The following PTPRM variants were observed in gnomAD, a reference collection of about 807,000 sequenced individuals.
The protein encoded by PTPRM is receptor-type tyrosine-protein phosphatase mu.
In PTPRM, 47 loss-of-function variants were observed where a neutral mutation model predicts 186.7. The ratio of observed to expected loss-of-function variants is 0.25; its 90% confidence interval spans 0.20 to 0.32. The LOEUF (loss-of-function observed/expected upper bound fraction) is 0.32, where lower values mean the gene tolerates loss of function less well. PTPRM is among the 10% of genes least tolerant of loss of function. The probability of loss-of-function intolerance (pLI) is 1.00; values close to 1 mark genes in which losing one functional copy is unlikely to be tolerated. For synonymous variants in PTPRM, 668 were observed against 674.9 expected (o/e 0.99, Z 0.16); for missense variants, 1,494 against 1,865.0 (o/e 0.80, Z 3.66).
At chr18:7,950,649 AG>A (rs1372292451) in intron 6 of PTPRM, among the ~76,000 whole-genome samples, 1 of 152,162 alleles carries the variant, frequency 6.6e-6, no homozygotes, top group Non-Finnish European at 1.5e-5. Flanking sequence ...TATTATATAT[AG>A]GACACTTAGT....
At chr18:7,805,969 G>A (rs529061007) in intron 2 of PTPRM, among the ~76,000 whole-genome samples, 2 of 152,286 alleles carry the variant, frequency 1.3e-5, no homozygotes, top group Non-Finnish European at 2.9e-5. Context: ...GAAATGAAGA[G>A]GGAGGCCACA....
At chr18:8,323,094 G>A (rs1357404570) in intron 22 of PTPRM, among the ~76,000 whole-genome samples, 1 of 152,138 alleles carries the variant, frequency 6.6e-6, no homozygotes, top group Non-Finnish European at 1.5e-5. Context: ...CTCCCAAAGC[G>A]CTGGGATTAC....
intron 7 of PTPRM, among the ~76,000 whole-genome samples, chr18:8,041,741 A>G (rs1345832829): frequency 6.6e-6 from 1 of 152,214 alleles, no homozygotes; most frequent in Non-Finnish European, 1.5e-5. Context: ...CCTAGGGTGC[A>G]GTGGGGCAAA....
intron 14 of PTPRM, among the ~76,000 whole-genome samples, chr18:8,195,685 T>C (rs909847564): frequency 1.3e-5 from 2 of 152,190 alleles, no homozygotes; most frequent in African/African-American, 2.4e-5. Flanking sequence ...GGGAGCTAAA[T>C]AATGTGTACA....
chr18:7,876,151 T>A (rs2048233453), intron 2 of PTPRM, among the ~76,000 whole-genome samples: 1 of 152,020 alleles, frequency 6.6e-6, no homozygotes, highest in South Asian at 2.1e-4. Flanking sequence ...TGTGTGTGTG[T>A]GAGAAATTCA....
At chr18:7,739,059 C>G (rs1204755506) in intron 1 of PTPRM, among the ~76,000 whole-genome samples, 2 of 152,140 alleles carry the variant, frequency 1.3e-5, no homozygotes, top group Non-Finnish European at 2.9e-5. Flanking sequence ...TAAAAATCCA[C>G]TTTTCTCGTC....
At chr18:7,679,703 G>A (rs1336018488) in intron 1 of PTPRM, among the ~76,000 whole-genome samples, 4 of 151,962 alleles carry the variant, frequency 2.6e-5, no homozygotes, top group African/African-American at 9.7e-5. Context: ...TGGGCATACT[G>A]TAATATTCTC....
At chr18:8,104,561 C>T (rs2091436221) in intron 11 of PTPRM, among the ~76,000 whole-genome samples, 1 of 152,146 alleles carries the variant, frequency 6.6e-6, no homozygotes, top group African/African-American at 2.4e-5. Context: ...CCTCCCACCT[C>T]AGTCTCCTGA....
chr18:8,085,077 A>G (rs2090360937), intron 9 of PTPRM, among the ~76,000 whole-genome samples: 1 of 152,082 alleles, frequency 6.6e-6, no homozygotes, highest in Non-Finnish European at 1.5e-5. Flanking sequence ...CTACATTTCC[A>G]TCATTTCAGA....
At chr18:7,752,731 C>T (rs746823624) in intron 1 of PTPRM, among the ~76,000 whole-genome samples, 2 of 152,038 alleles carry the variant, frequency 1.3e-5, no homozygotes, top group South Asian at 2.1e-4. Context: ...CATGAGTCAC[C>T]GTGCCTGGCC....
At chr18:8,073,721 A>G (rs543782995) in intron 8 of PTPRM, among the ~76,000 whole-genome samples, 1 of 152,192 alleles carries the variant, frequency 6.6e-6, no homozygotes, top group Non-Finnish European at 1.5e-5. Context: ...CCTGGGAAAC[A>G]TAGTGAGACC....
intron 2 of PTPRM, among the ~76,000 whole-genome samples, chr18:7,808,018 C>T (rs559574128): frequency 6.6e-5 from 10 of 152,170 alleles, no homozygotes; most frequent in African/African-American, 1.7e-4. Flanking sequence ...CCAAGGAAGA[C>T]GAGTGTTCCT....
intron 21 of PTPRM, among the ~76,000 whole-genome samples, chr18:8,315,809 A>C (rs1053090503): frequency 2.0e-5 from 3 of 152,220 alleles, no homozygotes; most frequent in Non-Finnish European, 4.4e-5. Flanking sequence ...CTTTAGTGCT[A>C]ATTAGACAGA....
chr18:8,183,366 A>C (rs2093602230), intron 14 of PTPRM, among the ~76,000 whole-genome samples: 1 of 152,212 alleles, frequency 6.6e-6, no homozygotes. Flanking sequence ...ATTGTTGCTC[A>C]TAATATAATC....
intron 1 of PTPRM, among the ~76,000 whole-genome samples, chr18:7,615,167 GCCT>G (rs1344795866): frequency 6.6e-6 from 1 of 151,920 alleles, no homozygotes; most frequent in African/African-American, 2.4e-5. Flanking sequence ...GTTTGATTTT[GCCT>G]AAAACAAAAA....
At chr18:7,906,741 G>A (rs2050005454) in intron 4 of PTPRM, among the ~76,000 whole-genome samples, 158 bp downstream of exon 4, 1 of 152,150 alleles carries the variant, frequency 6.6e-6, no homozygotes, top group African/African-American at 2.4e-5. Context: ...AAATCCAAAA[G>A]CATGTACTTT....
intron 1 of PTPRM, among the ~76,000 whole-genome samples, chr18:7,686,196 CA>C (rs1359834778): frequency 6.6e-6 from 1 of 152,160 alleles, no homozygotes; most frequent in Non-Finnish European, 1.5e-5. Context: ...CCCAGGTCTG[CA>C]CCTGATGGAG....
intron 14 of PTPRM, among the ~76,000 whole-genome samples, chr18:8,219,509 G>T (rs1304002321): frequency 6.6e-6 from 1 of 151,966 alleles, no homozygotes; most frequent in East Asian, 1.9e-4. Flanking sequence ...AGTAACCGTG[G>T]CCCAAGGAAA....
At chr18:7,946,466 TG>T (rs752386401) in intron 5 of PTPRM, among the ~76,000 whole-genome samples, 5 of 152,154 alleles carry the variant, frequency 3.3e-5, no homozygotes, top group African/African-American at 4.8e-5. Context: ...ACCAGAGATG[TG>T]GTTCTTTTTC....
Sources: allele counts gnomAD v4.1 joint callset (sites outside exome capture counted in the v4.1 genomes callset), GRCh38; gene constraint gnomAD v4.1.1; transcripts MANE v1.5; gene names NCBI Gene and HGNC (gene_info 2026-07-23, HGNC 2026-07-21).